Variants in GLIS3 observed in about 807,000 individuals in gnomAD.
The protein encoded by GLIS3 is zinc finger protein GLIS3.
GLIS3 carries 53 observed loss-of-function variants against 78.6 expected under a neutral mutation model. The ratio of observed to expected loss-of-function variants is 0.67; its 90% CI spans 0.54 to 0.85. The LOEUF is 0.85. Among genes scored for constraint, GLIS3 ranks in the 40% least tolerant of loss-of-function variants. The probability of loss-of-function intolerance (pLI) is 0.00; values close to 1 mark genes in which losing one functional copy is unlikely to be tolerated. For synonymous variants in GLIS3, 684 were observed against 509.9 expected, an observed-to-expected ratio of 1.34 and a Z score of -4.60; for missense variants, 1,703 against 1,231.1, an observed-to-expected ratio of 1.38 and a Z score of -5.74.
chr9:3,865,022 C>G (rs191590110), intron 8 of GLIS3, among the ~76,000 whole-genome samples: 64 of 152,202 alleles, frequency 4.2e-4, no homozygotes, highest in Middle Eastern at 3.4e-3. Flanking sequence ...GTGCAAATGT[C>G]CAGCTGGATA....
intron 2 of GLIS3, among the ~76,000 whole-genome samples, chr9:4,337,017 A>G (rs1817765928): frequency 6.6e-6 from 1 of 152,242 alleles, no homozygotes; most frequent in African/African-American, 2.4e-5. Flanking sequence ...TATTACTAGT[A>G]AATGTTTTTA....
the GLIS3 span, among the ~76,000 whole-genome samples, chr9:4,405,578 T>A: frequency 6.6e-6 from 1 of 152,060 alleles, no homozygotes; most frequent in African/African-American, 2.4e-5. Context: ...ATTGAGGCTG[T>A]AATAAAAAGT....
intron 9 of GLIS3, among the ~76,000 whole-genome samples, chr9:3,853,393 A>G (rs777619245): frequency 2.0e-5 from 3 of 152,094 alleles, no homozygotes; most frequent in Non-Finnish European, 2.9e-5. Flanking sequence ...TGAATGAGGG[A>G]GTGTCAATCA....
chr9:4,075,491 G>C (rs371506705), intron 4 of GLIS3, among the ~76,000 whole-genome samples: 3 of 152,014 alleles, frequency 2.0e-5, no homozygotes, highest in African/African-American at 4.8e-5. Context: ...CGGAAGAATG[G>C]TGTGAACCCA....
chr9:3,930,230 C>T (rs1227365567), intron 6 of GLIS3, among the ~76,000 whole-genome samples: 2 of 152,086 alleles, frequency 1.3e-5, no homozygotes, highest in African/African-American at 4.8e-5. Context: ...CTGTGCAATG[C>T]GAGTCAACAA....
chr9:4,028,710 TTGAG>T (rs3062628), intron 4 of GLIS3, among the ~76,000 whole-genome samples: 9,717 of 152,160 alleles, frequency 0.064, 550 homozygotes, highest in African/African-American at 0.15. Flanking sequence ...TGCTTTTGAA[TTGAG>T]TAAGATTTTA....
intron 2 of GLIS3, among the ~76,000 whole-genome samples, chr9:4,330,914 C>G (rs1447950363): frequency 1.3e-5 from 2 of 152,198 alleles, no homozygotes; most frequent in African/African-American, 4.8e-5. Flanking sequence ...CACTGTTTGT[C>G]ACTGTGCTGA....
At chr9:4,211,218 CT>C (rs2131299286) in intron 2 of GLIS3, among the ~76,000 whole-genome samples, 1 of 152,336 alleles carries the variant, frequency 6.6e-6, no homozygotes, top group South Asian at 2.1e-4. Context: ...GTGCCCTAAT[CT>C]TTATATGCAT....
Position 3,828,421 on chromosome 9 carries a change from G to A in GLIS3, c.2657-13C>T, listed in dbSNP as rs747234113. 2 of 1,612,378 alleles carry A rather than the reference G, an allele frequency of 1.2e-6. No individual in the cohort carries two copies. The highest frequency in any genetic ancestry group is 2.7e-5 in the African/African-American group (2 of 74,900). ...GGTAAATCATACACTGGAAGAGAAA[G>A]AACGCAGTTAAGTCAGTAACTCCTG... On this transcript the variant is annotated splice_polypyrimidine_tract_variant and intron_variant, in intron 10 of 10. Transcript: ENST00000381971.
chr9:4,072,744 T>TA (rs1263260553), intron 4 of GLIS3, among the ~76,000 whole-genome samples: 4 of 149,502 alleles, frequency 2.7e-5, no homozygotes, highest in Admixed American at 2.6e-4. Context: ...GAGAACTGTT[T>TA]TTTTTTGTTG....
intron 2 of GLIS3, chr9:4,151,117 T>A (rs1394519634): frequency 6.6e-6 from 1 of 152,156 alleles, no homozygotes; most frequent in Non-Finnish European, 1.5e-5. Context: ...GACATAGAGA[T>A]GCCTACTTAA....
At chr9:3,944,946 A>C (rs1008079833) in intron 4 of GLIS3, among the ~76,000 whole-genome samples, 1 of 152,248 alleles carries the variant, frequency 6.6e-6, no homozygotes, top group African/African-American at 2.4e-5. Context: ...GGCAGAACAC[A>C]AGAGGTGGCC....
At chr9:4,273,912 C>G (rs1826754383) in intron 2 of GLIS3, among the ~76,000 whole-genome samples, 1 of 152,182 alleles carries the variant, frequency 6.6e-6, no homozygotes, top group Admixed American at 6.5e-5. Context: ...CCCTGCCCTG[C>G]ACCTCCATTC....
At chr9:3,851,045 G>C (rs1324002735) in intron 9 of GLIS3, among the ~76,000 whole-genome samples, 2 of 152,156 alleles carry the variant, frequency 1.3e-5, no homozygotes, top group African/African-American at 4.8e-5. Flanking sequence ...GCACATAGTG[G>C]GTAACCAGTG....
the GLIS3 span, among the ~76,000 whole-genome samples, chr9:4,385,741 GAAAGAAAGAAAGAAAGAAAGAA>G: frequency 0.011 from 483 of 43,960 alleles, 69 homozygotes; most frequent in South Asian, 0.03. Flanking sequence ...GAAAGAAAAA[GAAAGAAAGAAAGAAAGAAAGAA>G]AGAAAGAAAG....
the GLIS3 span, among the ~76,000 whole-genome samples, chr9:4,473,457 C>T: frequency 1.6e-5 from 1 of 60,610 alleles, no homozygotes; most frequent in Non-Finnish European, 4.4e-5. Flanking sequence ...ACAACAACAA[C>T]AACAAAAAAA....
chr9:3,898,614 C>T (rs761011670), intron 7 of GLIS3, 77 bp downstream of exon 7: 22 of 1,584,510 alleles, frequency 1.4e-5, no homozygotes, highest in African/African-American at 6.7e-5. Context: ...ATTTTTCTCA[C>T]GTGAGCATTC....
chr9:3,981,654 A>T (rs1263148740), intron 4 of GLIS3, among the ~76,000 whole-genome samples: 1 of 152,206 alleles, frequency 6.6e-6, no homozygotes, highest in Non-Finnish European at 1.5e-5. Flanking sequence ...CATAGTTCCA[A>T]TTAAACTGCT....
chr9:4,281,677 C>A (rs920471454), intron 2 of GLIS3, among the ~76,000 whole-genome samples: 3 of 152,178 alleles, frequency 2.0e-5, no homozygotes, highest in Admixed American at 6.5e-5. Context: ...GTTGTTTCTT[C>A]CTTTTGGCTA....
Sources: allele counts gnomAD v4.1 joint callset (sites outside exome capture counted in the v4.1 genomes callset), GRCh38; gene constraint gnomAD v4.1.1; transcripts MANE v1.5; gene names NCBI Gene and HGNC (gene_info 2026-07-23, HGNC 2026-07-21).